MAP3K2: variants seen among roughly 807,000 people sequenced by gnomAD.
MAP3K2 encodes mitogen-activated protein kinase kinase kinase 2.
MAP3K2 carries 24 observed loss-of-function variants against 80.3 expected under a neutral mutation model. That is an observed-to-expected ratio of 0.30 (90% CI 0.22 to 0.42). The LOEUF is 0.42. Among genes scored for constraint, MAP3K2 ranks in the 10% least tolerant of loss-of-function variants. MAP3K2 has a pLI of 1.00. For missense variants in MAP3K2, 608 were observed against 750.1 expected (o/e 0.81, Z 2.21); for synonymous variants, 244 against 253.7 (o/e 0.96, Z 0.36).
chr2:127,325,580 C>CG (rs1338371923), intron 9 of MAP3K2, 148 bp downstream of exon 9: 7 of 567,758 alleles, frequency 1.2e-5, no homozygotes, highest in East Asian at 1.2e-4. Context: ...CCTAGTTCCT[C>CG]GGGGGTCAGA....
chr2:127,373,140 G>C, intron 1 of MAP3K2, among the ~76,000 whole-genome samples: 1 of 152,200 alleles, frequency 6.6e-6, no homozygotes, highest in East Asian at 1.9e-4. Context: ...ATGCTGAACA[G>C]TCCTACCATG....
chr2:127,367,530 C>T (rs1686993062), intron 1 of MAP3K2, among the ~76,000 whole-genome samples: 1 of 152,200 alleles, frequency 6.6e-6, no homozygotes, highest in Non-Finnish European at 1.5e-5. Context: ...CTGTGGCTCA[C>T]AACCATAATC....
chr2:127,316,125 G>A (rs1351657519), intron 14 of MAP3K2, among the ~76,000 whole-genome samples: 3 of 151,190 alleles, frequency 2.0e-5, no homozygotes, highest in Non-Finnish European at 4.4e-5. Context: ...GCAATCCCAC[G>A]ACATTGGGAG....
intron 1 of MAP3K2, among the ~76,000 whole-genome samples, chr2:127,353,387 C>T (rs1231488356): frequency 4.6e-5 from 7 of 150,590 alleles, no homozygotes; most frequent in South Asian, 2.1e-4. Context: ...TCCGCCCGGC[C>T]GCCCCATCTG....
At chr2:127,354,040 G>C (rs1573999060) in intron 1 of MAP3K2, among the ~76,000 whole-genome samples, 1 of 151,942 alleles carries the variant, frequency 6.6e-6, no homozygotes, top group South Asian at 2.1e-4. Context: ...GATGCTTGAA[G>C]GCAACAGGCT....
At chr2:127,375,625 G>T (rs899056059) in intron 1 of MAP3K2, among the ~76,000 whole-genome samples, 32 of 151,874 alleles carry the variant, frequency 2.1e-4, no homozygotes, top group African/African-American at 7.7e-4. Context: ...AGCCAAGATG[G>T]TCTCAAACTC....
chr2:127,377,117 G>T (rs1431976058), intron 1 of MAP3K2, among the ~76,000 whole-genome samples: 1 of 150,844 alleles, frequency 6.6e-6, no homozygotes, highest in African/African-American at 2.4e-5. Flanking sequence ...TTCATTTTAA[G>T]AAATTAAAAT....
chr2:127,382,230 G>A (rs932552291), intron 1 of MAP3K2, among the ~76,000 whole-genome samples: 1 of 152,162 alleles, frequency 6.6e-6, no homozygotes, highest in Non-Finnish European at 1.5e-5. Context: ...TGGTATTTTG[G>A]CTATGTAAGA....
chr2:127,337,394 CTA>C (rs971669480), intron 4 of MAP3K2, among the ~76,000 whole-genome samples: 23 of 152,122 alleles, frequency 1.5e-4, no homozygotes, highest in African/African-American at 5.3e-4. Flanking sequence ...TATATAAATG[CTA>C]TATAGTATCT....
intron 15 of MAP3K2, among the ~76,000 whole-genome samples, chr2:127,311,229 G>A (rs1685802072): frequency 1.3e-5 from 2 of 152,180 alleles, no homozygotes; most frequent in African/African-American, 2.4e-5. Flanking sequence ...TCTTCTGAAA[G>A]AGCACTGTCT....
chr2:127,330,018 A>C lies in MAP3K2; in HGVS notation c.379-10T>G. On this transcript the variant is annotated splice_polypyrimidine_tract_variant and intron_variant, in intron 6 of 16. Coordinates refer to ENST00000682094, the MANE Select transcript of MAP3K2 (RefSeq NM_001371910.2). ...GTTCTAAATTAGTAGCCTACAAAGG[A>C]GAAAAGACAGTTAATGCTATTCTTC... The C allele has an allele frequency of 1.3e-6, 2 of 1,493,302 alleles. No homozygotes were observed. The highest frequency in any genetic ancestry group is 1.9e-6 in the Non-Finnish European group (2 of 1,072,032). 92.5% of individuals were successfully genotyped at this position (1,493,302 alleles called of 1,614,324 possible).
chr2:127,346,379 A>C (rs1686594816), intron 1 of MAP3K2, among the ~76,000 whole-genome samples: 1 of 145,672 alleles, frequency 6.9e-6, no homozygotes, highest in Admixed American at 7.0e-5. Flanking sequence ...AGATCACTTC[A>C]AACATTTACA....
chr2:127,370,507 G>T (rs1459328749), intron 1 of MAP3K2, among the ~76,000 whole-genome samples: 1 of 152,184 alleles, frequency 6.6e-6, no homozygotes, highest in African/African-American at 2.4e-5. Context: ...TCAGGCTAGG[G>T]TTTCATCAAG....
rs1224439605 is a variant in MAP3K2, at chr2:127,387,589, G to A, written c.-203C>T. Reference sequence around the variant, plus strand: ...CCGCAGGGCCCCCGGGGACCGGAGGGGCGCGCGAGGAGTCGGGCGCGGGCC... The same window carrying A: ...CCGCAGGGCCCCCGGGGACCGGAGGAGCGCGCGAGGAGTCGGGCGCGGGCC... On this transcript the variant is annotated 5_prime_UTR_variant, in exon 1 of 17. Coordinates refer to ENST00000682094, the MANE Select transcript of MAP3K2 (RefSeq NM_001371910.2). 4.1e-6 allele frequency: 4 copies of A among 984,992 alleles called. No individual in the cohort carries two copies. Among genetic ancestry groups the A allele is most frequent in the Non-Finnish European group, 4.8e-6 (4 of 829,746 alleles). The allele number at this position is 984,992 out of a possible 1,614,324, so 61.0% of individuals were successfully genotyped here.
At chr2:127,354,539 G>A (rs1416220737) in intron 1 of MAP3K2, among the ~76,000 whole-genome samples, 3 of 151,930 alleles carry the variant, frequency 2.0e-5, no homozygotes, top group Non-Finnish European at 4.4e-5. Flanking sequence ...AGAAGGGTGT[G>A]GTCTCAAAAG....
intron 1 of MAP3K2, among the ~76,000 whole-genome samples, chr2:127,353,271 C>T (rs1303757098): frequency 3.9e-5 from 6 of 152,042 alleles, no homozygotes; most frequent in Non-Finnish European, 8.8e-5. Context: ...TCTGCCCGGC[C>T]GCCCATCGTC....
chr2:127,319,371 G>A (rs1312882175), intron 12 of MAP3K2, among the ~76,000 whole-genome samples: 1 of 152,068 alleles, frequency 6.6e-6, no homozygotes, highest in Non-Finnish European at 1.5e-5. Flanking sequence ...GATAAAGCCT[G>A]CCTAAGACTG....
At chr2:127,309,390 A>G (rs531940199) in intron 15 of MAP3K2, among the ~76,000 whole-genome samples, 2 of 152,280 alleles carry the variant, frequency 1.3e-5, no homozygotes, top group East Asian at 3.9e-4. Context: ...CTTCAGATTT[A>G]CAGAATTATT....
intron 5 of MAP3K2, among the ~76,000 whole-genome samples, chr2:127,335,044 A>G (rs1001004370): frequency 5.3e-5 from 8 of 152,168 alleles, no homozygotes; most frequent in African/African-American, 1.9e-4. Context: ...CTGGGATTAC[A>G]AGCGTGAGCA....
Sources: gnomAD v4.1 joint callset for allele counts (sites outside exome capture counted in the v4.1 genomes callset) on GRCh38, gnomAD v4.1.1 for gene constraint, MANE v1.5 for transcripts, NCBI Gene and HGNC (gene_info 2026-07-23, HGNC 2026-07-21) for gene names.